RMDN3: variants seen among roughly 807,000 people sequenced by gnomAD.
RMDN3 encodes the protein regulator of microtubule dynamics 3.
RMDN3 carries 41 observed loss-of-function variants against 61.8 expected under a neutral mutation model. That is an observed-to-expected ratio of 0.66 (90% CI 0.52 to 0.86). The LOEUF (loss-of-function observed/expected upper bound fraction) is 0.86, where lower values mean the gene tolerates loss of function less well. RMDN3 is among the 40% of genes least tolerant of loss of function. The probability of loss-of-function intolerance (pLI) is 0.00; values close to 1 mark genes in which losing one functional copy is unlikely to be tolerated. For missense variants in RMDN3, 557 were observed against 585.3 expected (o/e 0.95, Z 0.50); for synonymous variants, 247 against 232.0 (o/e 1.06, Z -0.59).
chr15:40,743,412 CTG>C (rs1358375439), intron 6 of RMDN3, among the ~76,000 whole-genome samples: 2 of 96,612 alleles, frequency 2.1e-5, no homozygotes. Context: ...CAGAGAAAGA[CTG>C]TTTAAAAAAA....
intron 8 of RMDN3, 120 bp downstream of exon 8, chr15:40,738,381 C>A (rs1596039282): frequency 9.6e-6 from 8 of 830,506 alleles, no homozygotes; most frequent in Admixed American, 2.6e-5. Context: ...GACTCTGTCT[C>A]AAAAAAAAAG....
chr15:40,748,343 C>T (rs1897665946), intron 4 of RMDN3, among the ~76,000 whole-genome samples: 1 of 152,254 alleles, frequency 6.6e-6, no homozygotes, highest in Admixed American at 6.5e-5. Context: ...TCACCACGGC[C>T]ACTGCCCTAG....
At chr15:40,748,626 G>A (rs1490346647) in intron 4 of RMDN3, among the ~76,000 whole-genome samples, 2 of 152,172 alleles carry the variant, frequency 1.3e-5, no homozygotes, top group Non-Finnish European at 2.9e-5. Flanking sequence ...TTGGGATGGA[G>A]TCTTTCTCTG....
In RMDN3 at chr15:40,737,612, C is replaced by T; in HGVS notation, c.1224+16G>A. 6.2e-7 allele frequency: 1 copy of T among 1,605,738 alleles called. No individual in the cohort carries two copies. The highest frequency in any genetic ancestry group is 8.5e-7 in the Non-Finnish European group (1 of 1,173,518). ...GTTACCCTGGTGTTTTTGCCTGCCA[C>T]CTGCCCCTCTCATACCTTTAGGAAG... On this transcript the variant is annotated intron_variant, in intron 10 of 12. Transcript: ENST00000338376.
intron 2 of RMDN3, among the ~76,000 whole-genome samples, chr15:40,752,715 A>G (rs1897881651): frequency 2.6e-5 from 4 of 152,174 alleles, no homozygotes; most frequent in African/African-American, 9.7e-5. Flanking sequence ...TACACCAGAA[A>G]AAGCCCATCC....
In RMDN3 at chr15:40,751,453, G is replaced by A. The variant is rs748637473; in HGVS notation, c.497C>T (p.Thr166Met). The change falls in exon 4 of 13, where the codon ACG (threonine) becomes ATG (methionine). Residue 166 changes from threonine to methionine, a missense_variant. Thr to Met is a moderately conservative substitution (Grantham distance 81). Transcript: ENST00000338376. ...SVYFTASSGATFTDAESEGGY... is the reference protein window; with the variant it reads ...SVYFTASSGAMFTDAESEGGY... ...CCCTTCACTCTCAGCATCTGTGAACGTGGCTCCCGAGGAGGCCGTGAAGTA... is the reference window on the plus strand; with the variant it reads ...CCCTTCACTCTCAGCATCTGTGAACATGGCTCCCGAGGAGGCCGTGAAGTA... The A allele has an allele frequency of 4.5e-5, 73 of 1,614,084 alleles. 1 individual carries two copies. Among genetic ancestry groups the A allele is most frequent in the Admixed American group, 1.0e-4 (6 of 59,992 alleles).
chr15:40,738,797 G>A, intron 7 of RMDN3: 2 of 570,632 alleles, frequency 3.5e-6, no homozygotes, highest in South Asian at 2.2e-5. Flanking sequence ...AGTCTCCAAA[G>A]TATTCTAGGT....
intron 4 of RMDN3, among the ~76,000 whole-genome samples, chr15:40,750,015 TG>T (rs1897744980): frequency 1.3e-5 from 2 of 152,228 alleles, no homozygotes; most frequent in South Asian, 4.1e-4. Flanking sequence ...CGCATATCAG[TG>T]GGTGCATACG....
chr15:40,744,500 T>TGG (rs61645498), intron 5 of RMDN3, among the ~76,000 whole-genome samples: 186 of 131,436 alleles, frequency 1.4e-3, no homozygotes, highest in African/African-American at 4.9e-3. Flanking sequence ...TTCTAACTTC[T>TGG]GGGGGGGGGG....
At chr15:40,744,301 C>T (rs969860682) in intron 5 of RMDN3, 152 bp from the exon 6 acceptor site, 6 of 647,034 alleles carry the variant, frequency 9.3e-6, no homozygotes, top group Non-Finnish European at 1.6e-5. Flanking sequence ...GCCTTCCCCC[C>T]AGTCATCCCT....
Position 40,752,088 on chromosome 15 carries a change from C to T in RMDN3, c.278G>A (p.Arg93His), listed in dbSNP as rs780376746. Residue 93 changes from arginine (R) to histidine (H), a missense_variant, in exon 3 of 13, where the codon CGC (arginine) becomes CAC (histidine). Coordinates refer to ENST00000338376, the MANE Select transcript of RMDN3 (RefSeq NM_018145.3). The stretch of plus-strand genomic sequence containing the variant: ...AAGGCTGGTCAGCACAAAGTCCAGG[C>T]GGTCCAGCACCTTCTCCTGTCCTTC... ...PREGQEKVLDRLDFVLTSLVA... is the reference protein window; with the variant it reads ...PREGQEKVLDHLDFVLTSLVA... 6 of 1,614,090 alleles carry T rather than the reference C, an allele frequency of 3.7e-6. No homozygotes were observed. The highest frequency in any genetic ancestry group is 2.2e-5 in the South Asian group (2 of 91,088).
At chr15:40,743,240 G>A (rs1897351861) in intron 6 of RMDN3, among the ~76,000 whole-genome samples, 1 of 152,016 alleles carries the variant, frequency 6.6e-6, no homozygotes, top group Non-Finnish European at 1.5e-5. Context: ...AGCCAACATG[G>A]CGAAACCCCA....
chr15:40,751,296 C>T (rs1897808875), intron 4 of RMDN3, 130 bp downstream of exon 4: 4 of 1,149,486 alleles, frequency 3.5e-6, no homozygotes, highest in South Asian at 1.5e-5. Context: ...TTCAACTCTT[C>T]TGTATTTATT....
intron 6 of RMDN3, among the ~76,000 whole-genome samples, chr15:40,741,620 A>T (rs894471215): frequency 9.1e-4 from 65 of 71,706 alleles, no homozygotes; most frequent in South Asian, 2.3e-3. Flanking sequence ...GCAACATAGG[A>T]TTTTTTTTTT....
intron 6 of RMDN3, among the ~76,000 whole-genome samples, chr15:40,740,711 C>T (rs1897246776): frequency 6.6e-6 from 1 of 152,290 alleles, no homozygotes; most frequent in Admixed American, 6.5e-5. Flanking sequence ...TTGGCTTCCC[C>T]ATCTGTCATT....
chr15:40,752,924 T>TA (rs1051988980), intron 2 of RMDN3, among the ~76,000 whole-genome samples: 98 of 152,140 alleles, frequency 6.4e-4, no homozygotes, highest in African/African-American at 2.3e-3. Context: ...GGAAATCTGG[T>TA]AAAAAACTAG....
rs370025356 is a variant in RMDN3 at position 40,751,933 on chromosome 15, G to A, written c.380+53C>T. 2.0e-4 allele frequency: 306 copies of A among 1,568,108 alleles called. No individual in the cohort carries two copies. In the South Asian group the frequency reaches 2.9e-3, roughly 15 times the overall value. On this transcript the variant is annotated intron_variant, in intron 3 of 12. Coordinates refer to ENST00000338376, the MANE Select transcript of RMDN3 (RefSeq NM_018145.3). The stretch of plus-strand genomic sequence containing the variant: ...ACAGCGAAGGCCAGAACACACCCCA[G>A]CTGAAAAGCTGCAGGGGAGGGATAA...
At chr15:40,745,591 C>T (rs1396563622) in intron 4 of RMDN3, among the ~76,000 whole-genome samples, 1 of 151,852 alleles carries the variant, frequency 6.6e-6, no homozygotes, top group Non-Finnish European at 1.5e-5. Flanking sequence ...GTCTCAAACC[C>T]CTGGCCTCAA....
intron 12 of RMDN3, 112 bp from the exon 13 acceptor site, chr15:40,736,706 CTT>C: frequency 2.3e-6 from 2 of 864,970 alleles, no homozygotes; most frequent in Non-Finnish European, 1.9e-6. Context: ...CTGCTACAGT[CTT>C]TTTCCTACTT....
Sources: allele counts gnomAD v4.1 joint callset (sites outside exome capture counted in the v4.1 genomes callset), GRCh38; gene constraint gnomAD v4.1.1; transcripts MANE v1.5; gene names NCBI Gene and HGNC (gene_info 2026-07-23, HGNC 2026-07-21).